The following CACNA2D3 variants were observed in gnomAD, a reference collection of about 807,000 sequenced individuals.
CACNA2D3 encodes the protein voltage-dependent calcium channel subunit alpha-2/delta-3.
In CACNA2D3, 60 loss-of-function variants were observed where a neutral mutation model predicts 160.6. That is an observed-to-expected ratio of 0.37 (90% CI 0.30 to 0.46). The LOEUF (loss-of-function observed/expected upper bound fraction) is 0.46, where lower values mean the gene tolerates loss of function less well. Ranked by LOEUF, CACNA2D3 falls within the 20% of genes least tolerant of loss-of-function variation. CACNA2D3 has a pLI of 1.00. For missense variants in CACNA2D3, 1,205 were observed against 1,365.0 expected, an observed-to-expected ratio of 0.88 and a Z score of 1.85; for synonymous variants, 558 against 492.9, an observed-to-expected ratio of 1.13 and a Z score of -1.75.
chr3:54,286,901 C>T lies in CACNA2D3; in HGVS notation c.205-33541C>T, dbSNP rs571227283. Among the ~76,000 whole-genome samples the T allele has an allele frequency of 2.1e-4, 32 of 152,246 alleles. No homozygotes were observed. The South Asian group carries it at 6.4e-3, about 31-fold the overall frequency. Reference sequence around the variant, plus strand: ...CTGAGAGATTCTGTCACCACCAGGCCTGCCCTAAAAGAGCTCCTGAAAGAA... The same window carrying T: ...CTGAGAGATTCTGTCACCACCAGGCTTGCCCTAAAAGAGCTCCTGAAAGAA... On this transcript the variant is annotated intron_variant, in intron 2 of 37. Transcript: ENST00000474759.
intron 10 of CACNA2D3, chr3:54,638,980 GAA>G (rs910563047): frequency 1.3e-5 from 2 of 152,238 alleles, no homozygotes; most frequent in South Asian, 2.1e-4. Context: ...CAAGCCCAGA[GAA>G]AAGAGTAGAG....
intron 4 of CACNA2D3, among the ~76,000 whole-genome samples, chr3:54,458,933 C>T (rs940326303): frequency 1.3e-5 from 2 of 152,056 alleles, no homozygotes; most frequent in African/African-American, 4.8e-5. Flanking sequence ...TTCCCCCACC[C>T]CACAACAGGC....
intron 2 of CACNA2D3, among the ~76,000 whole-genome samples, chr3:54,297,743 G>A (rs953225639): frequency 2.7e-5 from 4 of 150,780 alleles, no homozygotes; most frequent in Non-Finnish European, 5.9e-5. Context: ...TGAAGAAATG[G>A]TAACACCACT....
At chr3:54,910,512 A>C (rs1169263359) in intron 27 of CACNA2D3, among the ~76,000 whole-genome samples, 1 of 152,044 alleles carries the variant, frequency 6.6e-6, no homozygotes, top group African/African-American at 2.4e-5. Context: ...TTTCTCCTTG[A>C]AGTTTCCCTT....
chr3:54,596,162 TC>T (rs1341327778), intron 9 of CACNA2D3, among the ~76,000 whole-genome samples: 1 of 152,144 alleles, frequency 6.6e-6, no homozygotes, highest in Non-Finnish European at 1.5e-5. Context: ...GGTCCCTCCT[TC>T]AGTCTCCAAG....
intron 11 of CACNA2D3, among the ~76,000 whole-genome samples, chr3:54,733,053 C>T (rs972422174): frequency 6.6e-6 from 1 of 152,190 alleles, no homozygotes; most frequent in Non-Finnish European, 1.5e-5. Context: ...TGGCATCTGT[C>T]CTAGCGAGAA....
intron 27 of CACNA2D3, among the ~76,000 whole-genome samples, chr3:54,955,080 A>T (rs9858616): frequency 0.036 from 5,422 of 152,264 alleles, 311 homozygotes; most frequent in African/African-American, 0.12. Flanking sequence ...AGTAGGAGAG[A>T]AGACATACAA....
At chr3:54,465,600 C>A (rs9855450) in intron 4 of CACNA2D3, among the ~76,000 whole-genome samples, 5 of 152,144 alleles carry the variant, frequency 3.3e-5, no homozygotes, top group African/African-American at 9.7e-5. Flanking sequence ...AAACTGCTCA[C>A]TTATGACCAC....
chr3:55,045,183 T>G (rs944723186), intron 35 of CACNA2D3, among the ~76,000 whole-genome samples: 1 of 152,092 alleles, frequency 6.6e-6, no homozygotes, highest in Non-Finnish European at 1.5e-5. Context: ...CAAGTAGCTG[T>G]GATGACAGGT....
intron 4 of CACNA2D3, among the ~76,000 whole-genome samples, chr3:54,457,644 G>C (rs1243670451): frequency 6.6e-6 from 1 of 151,954 alleles, no homozygotes; most frequent in Non-Finnish European, 1.5e-5. Context: ...CCAGTACTGA[G>C]AGTGGGGTTT....
At chr3:54,348,916 C>T (rs1575409084) in intron 3 of CACNA2D3, among the ~76,000 whole-genome samples, 1 of 152,010 alleles carries the variant, frequency 6.6e-6, no homozygotes, top group African/African-American at 2.4e-5. Context: ...TTAGTAGAGA[C>T]GGGGTTACAC....
At chr3:54,410,361 AG>A (rs1214049583) in intron 4 of CACNA2D3, among the ~76,000 whole-genome samples, 1 of 152,032 alleles carries the variant, frequency 6.6e-6, no homozygotes, top group Non-Finnish European at 1.5e-5. Flanking sequence ...CCCAGGAAAA[AG>A]AAAAAAAAAA....
At chr3:54,989,157 G>A (rs555482470) in intron 31 of CACNA2D3, among the ~76,000 whole-genome samples, 1 of 152,212 alleles carries the variant, frequency 6.6e-6, no homozygotes, top group Admixed American at 6.5e-5. Context: ...TTGGTGGGGG[G>A]AGGAGACAAA....
At chr3:54,645,306 C>T (rs1326387856) in intron 11 of CACNA2D3, among the ~76,000 whole-genome samples, 2 of 152,192 alleles carry the variant, frequency 1.3e-5, no homozygotes, top group Non-Finnish European at 2.9e-5. Context: ...CACCTCCCAC[C>T]AGGTAGCTCC....
chr3:54,924,497 G>T (rs1559631444), intron 27 of CACNA2D3: 3 of 771,568 alleles, frequency 3.9e-6, no homozygotes, highest in Non-Finnish European at 6.3e-6. Context: ...TGGCACCGAT[G>T]TGTAAAAGCC....
chr3:54,322,490 C>A (rs1034350972), intron 3 of CACNA2D3, among the ~76,000 whole-genome samples: 1 of 152,176 alleles, frequency 6.6e-6, no homozygotes, highest in East Asian at 1.9e-4. Context: ...TTAGAAATGA[C>A]CAAACAGGCT....
chr3:54,954,974 G>T (rs1456216193), intron 27 of CACNA2D3, among the ~76,000 whole-genome samples: 1 of 152,124 alleles, frequency 6.6e-6, no homozygotes, highest in Non-Finnish European at 1.5e-5. Flanking sequence ...ATGCTTACTG[G>T]GCACCAGCTA....
chr3:54,265,404 G>T (rs1238945915), intron 2 of CACNA2D3, among the ~76,000 whole-genome samples: 1 of 152,102 alleles, frequency 6.6e-6, no homozygotes, highest in Non-Finnish European at 1.5e-5. Context: ...GGGGATAGGG[G>T]AGGGAGAGCA....
chr3:54,180,922 G>T (rs6794229), intron 2 of CACNA2D3, among the ~76,000 whole-genome samples: 38,827 of 152,036 alleles, frequency 0.26, 5,097 homozygotes, highest in East Asian at 0.39. Context: ...GCAAAAGGAG[G>T]CTACCTGATA....
Sources: allele counts gnomAD v4.1 joint callset (sites outside exome capture counted in the v4.1 genomes callset), GRCh38; gene constraint gnomAD v4.1.1; transcripts MANE v1.5; gene names NCBI Gene and HGNC (gene_info 2026-07-23, HGNC 2026-07-21).